The following CDH4 variants were observed in gnomAD, a reference collection of about 807,000 sequenced individuals.
CDH4 encodes the protein cadherin-4.
In CDH4, 33 loss-of-function variants were observed where a neutral mutation model predicts 86.0. The observed-to-expected ratio is 0.38, with a 90% CI of 0.29 to 0.51. CDH4 has a LOEUF of 0.51. Ranked by LOEUF, CDH4 falls within the 20% of genes least tolerant of loss-of-function variation. The pLI, the probability that CDH4 is intolerant of heterozygous loss-of-function variation, is 0.86. For synonymous variants in CDH4, 555 were observed against 549.4 expected (o/e 1.01, Z -0.14); for missense variants, 1,114 against 1,307.4 (o/e 0.85, Z 2.28).
intron 2 of CDH4, among the ~76,000 whole-genome samples, chr20:61,263,815 C>T (rs896908947): frequency 9.2e-5 from 14 of 152,094 alleles, no homozygotes; most frequent in African/African-American, 3.1e-4. Context: ...CTCCTTGTGC[C>T]TCCCAGCTCC....
rs542183545 is a variant in CDH4, at chr20:61,902,428, C to G, written c.1188+7381C>G. 6.6e-6 allele frequency among the ~76,000 whole-genome samples: 1 copy of G among 152,226 alleles called. No homozygotes were observed. Among genetic ancestry groups the G allele is most frequent in the Non-Finnish European group, 1.5e-5 (1 of 68,038 alleles). ...CACCCCGCAGAACCGCTCCCGTGCT[C>G]GTTGCAGGAGTGCAAGGGCAGATCC... On this transcript the variant is annotated intron_variant, in intron 8 of 15. Coordinates refer to ENST00000614565, the MANE Select transcript of CDH4 (RefSeq NM_001794.5). This position sits in a 1 kb window ranked among gnomAD's most constrained non-coding sequence, Gnocchi z 4.6.
chr20:61,874,509 G>T (rs1018013748), intron 7 of CDH4, among the ~76,000 whole-genome samples: 1 of 152,100 alleles, frequency 6.6e-6, no homozygotes, highest in Non-Finnish European at 1.5e-5. Flanking sequence ...TCAAGTGCCC[G>T]CCCCACTCAG....
chr20:61,579,687 T>C (rs1383642909), intron 2 of CDH4, among the ~76,000 whole-genome samples: 2 of 152,020 alleles, frequency 1.3e-5, no homozygotes, highest in African/African-American at 4.8e-5. Flanking sequence ...CAACCCCCAC[T>C]CTGCCCCGAT....
intron 8 of CDH4, among the ~76,000 whole-genome samples, chr20:61,896,445 A>C (rs1985125244): frequency 6.6e-6 from 1 of 152,138 alleles, no homozygotes; most frequent in African/African-American, 2.4e-5. Flanking sequence ...TGAGCACACA[A>C]CGCCATCTGG....
intron 2 of CDH4, among the ~76,000 whole-genome samples, chr20:61,549,562 A>G (rs983172112): frequency 3.9e-5 from 6 of 152,198 alleles, no homozygotes; most frequent in African/African-American, 1.4e-4. Context: ...TTCAGTCCAG[A>G]TGCTCCTCGT....
chr20:61,716,674 C>T (rs916446069), intron 2 of CDH4, among the ~76,000 whole-genome samples: 4 of 152,218 alleles, frequency 2.6e-5, no homozygotes, highest in East Asian at 3.9e-4. Flanking sequence ...TTTGGGAGGC[C>T]GAGGCAGGAG....
chr20:61,405,120 T>C (rs1190900436), intron 2 of CDH4, among the ~76,000 whole-genome samples: 2 of 152,128 alleles, frequency 1.3e-5, no homozygotes, highest in Admixed American at 6.5e-5. Flanking sequence ...TGAGGCTGAT[T>C]TTGTTTCGGG....
intron 2 of CDH4, among the ~76,000 whole-genome samples, chr20:61,489,448 G>C (rs924731793): frequency 6.6e-6 from 1 of 152,218 alleles, no homozygotes; most frequent in African/African-American, 2.4e-5. Context: ...AGATGCAAGA[G>C]AATGTTCAAA....
rs6028106 is a variant in CDH4 at position 61,311,735 on chromosome 20, G to A, written c.169+56798G>A. On this transcript the variant is annotated intron_variant, in intron 2 of 15. Transcript: ENST00000614565. ...AACTGAAATTGAAAAAAAAATTGAC[G>A]AACTATCTCAAGGGCCAGAGAAATG... 4.4e-3 allele frequency among the ~76,000 whole-genome samples: 673 copies of A among 152,300 alleles called. 8 individuals carry two copies. Among genetic ancestry groups the A allele is most frequent in the African/African-American group, 0.015 (639 of 41,566 alleles).
At chr20:61,796,560 A>G (rs1407521592) in intron 4 of CDH4, among the ~76,000 whole-genome samples, 1 of 152,066 alleles carries the variant, frequency 6.6e-6, no homozygotes, top group Non-Finnish European at 1.5e-5. Context: ...GCCCCCGACC[A>G]TTGCTCTGGC....
At chr20:61,917,666 G>A (rs1230832910) in intron 9 of CDH4, among the ~76,000 whole-genome samples, 3 of 152,234 alleles carry the variant, frequency 2.0e-5, no homozygotes, top group African/African-American at 4.8e-5. Context: ...CCGCCCAGCC[G>A]GTGCTGGAGC....
intron 2 of CDH4, among the ~76,000 whole-genome samples, chr20:61,647,533 C>A (rs2087074535): frequency 2.6e-5 from 1 of 38,980 alleles, no homozygotes; most frequent in Non-Finnish European, 5.0e-5. Context: ...TATTCTCTCT[C>A]CCTCTCCCTC....
chr20:61,883,081 GCCCCATTCCCCCGGCA>G lies in CDH4; in HGVS notation c.1050+9187_1050+9202del, dbSNP rs554211378. 2.6e-5 allele frequency among the ~76,000 whole-genome samples: 4 copies of G among 151,876 alleles called. No homozygotes were observed. In the East Asian group the frequency reaches 7.8e-4, roughly 30 times the overall value. On this transcript the variant is annotated intron_variant, in intron 7 of 15. Transcript: ENST00000614565. ...CACCCAGAAATGAGAAATGAACCCG[GCCCCATTCCCCCGGCA>G]CCCCAAGCCCACCCCGCCTGCCCCA... is the stretch of plus-strand genomic sequence containing the variant.
chr20:61,924,975 C>A (rs1474407269), intron 11 of CDH4, among the ~76,000 whole-genome samples: 1 of 152,216 alleles, frequency 6.6e-6, no homozygotes, highest in African/African-American at 2.4e-5. Flanking sequence ...TGGTCAGCAG[C>A]CCCGGGGGTG....
At position 61,347,419 on chromosome 20, in the gene CDH4, C is replaced by T. The variant is rs149959835; in HGVS notation, c.169+92482C>T. Among the ~76,000 whole-genome samples, 22 of 152,364 alleles carry T rather than the reference C, an allele frequency of 1.4e-4. No individual in the cohort carries two copies. The East Asian group carries it at 3.5e-3, about 24-fold the overall frequency. On this transcript the variant is annotated intron_variant, in intron 2 of 15. Transcript: ENST00000614565. ...TAAAGGAAAAACAAAACTATCTACA[C>T]ATTTCCCCCTCTTCATACTTTACCA...
chr20:61,858,009 GTGTC>G (rs768556701), intron 6 of CDH4, among the ~76,000 whole-genome samples: 1 of 151,658 alleles, frequency 6.6e-6, no homozygotes, highest in Non-Finnish European at 1.5e-5. Flanking sequence ...GTGTGTCTCT[GTGTC>G]TGTGTCTGCA....
In CDH4 at chr20:61,935,272, A is replaced by T. The variant is rs535962502; in HGVS notation, c.2544+1052A>T. Among the ~76,000 whole-genome samples the T allele has an allele frequency of 3.9e-5, 6 of 152,314 alleles. No individual in the cohort carries two copies. In the South Asian group the frequency reaches 1.0e-3, roughly 26 times the overall value. ...AAGGAATTGATTTAAACAGAAGATAACCCAGGCAGTGATTCAACAGAAAGA... is the reference window on the plus strand; with the variant it reads ...AAGGAATTGATTTAAACAGAAGATATCCCAGGCAGTGATTCAACAGAAAGA... On this transcript the variant is annotated intron_variant, in intron 15 of 15. Coordinates refer to ENST00000614565, the MANE Select transcript of CDH4 (RefSeq NM_001794.5).
intron 9 of CDH4, among the ~76,000 whole-genome samples, chr20:61,922,919 C>T (rs544650665): frequency 6.6e-6 from 1 of 152,368 alleles, no homozygotes; most frequent in African/African-American, 2.4e-5. Context: ...CCGCACCCAG[C>T]CCTGCCTGTC....
intron 2 of CDH4, among the ~76,000 whole-genome samples, chr20:61,534,942 G>A (rs965953993): frequency 2.0e-5 from 3 of 151,746 alleles, no homozygotes; most frequent in Non-Finnish European, 4.4e-5. Flanking sequence ...TGGGACAGTG[G>A]CAGAGATGCC....
Sources: allele counts gnomAD v4.1 joint callset (sites outside exome capture counted in the v4.1 genomes callset), GRCh38; gene constraint gnomAD v4.1.1; non-coding constraint Gnocchi (gnomAD v3.1); transcripts MANE v1.5; gene names NCBI Gene and HGNC (gene_info 2026-07-23, HGNC 2026-07-21).